The following TYR variants were observed in gnomAD, a reference collection of about 807,000 sequenced individuals.
The protein encoded by TYR is tyrosinase.
In TYR, 58 loss-of-function variants were observed where a neutral mutation model predicts 51.5. The ratio of observed to expected loss-of-function variants is 1.13; its 90% CI spans 0.91 to 1.40. TYR has a LOEUF of 1.40. Ranked by LOEUF, TYR falls within the 40% of genes most tolerant of loss-of-function variation. The pLI is 0.00. For synonymous variants in TYR, 263 were observed against 235.2 expected, an observed-to-expected ratio of 1.12 and a Z score of -1.08; for missense variants, 732 against 647.4, an observed-to-expected ratio of 1.13 and a Z score of -1.42.
chr11:89,206,540 A>G (rs2135265500), intron 2 of TYR, among the ~76,000 whole-genome samples: 1 of 152,312 alleles, frequency 6.6e-6, no homozygotes, highest in South Asian at 2.1e-4. Context: ...TCACAATTAC[A>G]GTTGGAGAAT....
At chr11:89,291,311 T>C (rs959473552) in intron 4 of TYR, among the ~76,000 whole-genome samples, 8 of 152,002 alleles carry the variant, frequency 5.3e-5, no homozygotes, top group African/African-American at 1.7e-4. Flanking sequence ...AATAGGTTAA[T>C]TGTTGATGTA....
chr11:89,184,076 A>T (rs1347006308), intron 1 of TYR, among the ~76,000 whole-genome samples: 1 of 152,128 alleles, frequency 6.6e-6, no homozygotes. Flanking sequence ...TCATAAGCAC[A>T]ATGCTAATAT....
intron 2 of TYR, among the ~76,000 whole-genome samples, chr11:89,215,380 G>A (rs1223735294): frequency 6.6e-6 from 1 of 151,150 alleles, no homozygotes; most frequent in Non-Finnish European, 1.5e-5. Context: ...GGGGGTGGGG[G>A]GCTGGGGGAG....
chr11:89,212,713 A>G (rs556795750), intron 2 of TYR, among the ~76,000 whole-genome samples: 1 of 152,330 alleles, frequency 6.6e-6, no homozygotes, highest in East Asian at 1.9e-4. Flanking sequence ...AACTGAGTCC[A>G]ACAGCACATC....
intron 3 of TYR, among the ~76,000 whole-genome samples, chr11:89,239,021 G>T (rs975987357): frequency 6.6e-6 from 1 of 152,096 alleles, no homozygotes; most frequent in Non-Finnish European, 1.5e-5. Context: ...ATGTTCATTA[G>T]GAATATTGGC....
intron 2 of TYR, chr11:89,200,615 ATT>A (rs1332282694): frequency 1.3e-5 from 2 of 151,660 alleles, no homozygotes; most frequent in Non-Finnish European, 2.9e-5. Context: ...TAAAAAATTA[ATT>A]TGTTATGTGA....
intron 3 of TYR, among the ~76,000 whole-genome samples, chr11:89,273,731 G>C (rs1287925191): frequency 6.6e-6 from 1 of 151,758 alleles, no homozygotes; most frequent in Non-Finnish European, 1.5e-5. Context: ...CCACAGACTG[G>C]GTAGCTTAAA....
At chr11:89,258,894 C>T (rs1379371189) in intron 3 of TYR, among the ~76,000 whole-genome samples, 1 of 152,012 alleles carries the variant, frequency 6.6e-6, no homozygotes, top group Non-Finnish European at 1.5e-5. Flanking sequence ...CCTTTGCCAC[C>T]CTCACTCAGC....
At chr11:89,208,213 T>C (rs1166720378) in intron 2 of TYR, among the ~76,000 whole-genome samples, 2 of 152,176 alleles carry the variant, frequency 1.3e-5, no homozygotes, top group African/African-American at 4.8e-5. Flanking sequence ...GAGCCTGCAG[T>C]GAGTGGAGAT....
At chr11:89,293,626 C>T (rs1284928865) in intron 4 of TYR, 1 of 152,696 alleles carries the variant, frequency 6.5e-6, no homozygotes, top group Admixed American at 6.6e-5. Flanking sequence ...CCAACTCTCC[C>T]AATACTACTT....
intron 1 of TYR, among the ~76,000 whole-genome samples, chr11:89,183,291 A>C (rs2135246197): frequency 6.6e-6 from 1 of 152,186 alleles, no homozygotes; most frequent in Non-Finnish European, 1.5e-5. Context: ...ATATGTTATA[A>C]ATCACTTGCG....
intron 4 of TYR, among the ~76,000 whole-genome samples, chr11:89,293,474 ATAC>A: frequency 6.6e-6 from 1 of 152,260 alleles, no homozygotes; most frequent in Middle Eastern, 3.4e-3. Context: ...AGAGGAAATA[ATAC>A]ATCATTTTAT....
At chr11:89,264,145 G>A (rs943190162) in intron 3 of TYR, among the ~76,000 whole-genome samples, 12 of 152,086 alleles carry the variant, frequency 7.9e-5, no homozygotes, top group South Asian at 2.1e-4. Flanking sequence ...CAAAGGAGAA[G>A]ATCCGTGAAG....
intron 2 of TYR, among the ~76,000 whole-genome samples, chr11:89,221,171 C>T (rs6483002): frequency 0.24 from 35,757 of 152,126 alleles, 6,632 homozygotes; most frequent in African/African-American, 0.52. Flanking sequence ...TGTTCAGTGA[C>T]TCACTGTTAG....
chr11:89,212,308 C>T (rs893436689), intron 2 of TYR, among the ~76,000 whole-genome samples: 2 of 152,062 alleles, frequency 1.3e-5, no homozygotes, highest in Non-Finnish European at 2.9e-5. Flanking sequence ...ACTATAAACA[C>T]CTCTATGCAA....
At chr11:89,223,890 T>G (rs943528718) in intron 2 of TYR, among the ~76,000 whole-genome samples, 1 of 149,732 alleles carries the variant, frequency 6.7e-6, no homozygotes, top group Non-Finnish European at 1.5e-5. Flanking sequence ...ACAAATTCCT[T>G]GTGCTTTTTC....
Position 89,178,782 on chromosome 11 carries a change from GCTAGATATA to G in TYR, c.819+12_819+20del, listed in dbSNP as rs773765028. 56 of 1,613,568 alleles carry G rather than the reference GCTAGATATA, an allele frequency of 3.5e-5. No homozygotes were observed. The highest frequency in any genetic ancestry group is 4.7e-5 in the Non-Finnish European group (55 of 1,179,828). ...CTTCTCCTCTTGGCAGGTAAGATATGCTAGATATACGATGTCAGAGTAGGGAGGAACCTT... is the reference window on the plus strand; with the variant it reads ...CTTCTCCTCTTGGCAGGTAAGATATGCGATGTCAGAGTAGGGAGGAACCTT... On this transcript the variant is annotated intron_variant, in intron 1 of 4. Transcript: ENST00000263321.
intron 1 of TYR, among the ~76,000 whole-genome samples, chr11:89,187,418 G>A (rs902776196): frequency 3.9e-5 from 6 of 152,142 alleles, no homozygotes; most frequent in African/African-American, 1.2e-4. Flanking sequence ...GTGGTCAACT[G>A]TGCCTAATGC....
intron 2 of TYR, among the ~76,000 whole-genome samples, chr11:89,218,891 T>C (rs1047366740): frequency 1.3e-5 from 2 of 152,166 alleles, no homozygotes; most frequent in African/African-American, 4.8e-5. Flanking sequence ...TAGATGCAGC[T>C]AGAGAAAAGC....
Sources: allele counts gnomAD v4.1 joint callset (sites outside exome capture counted in the v4.1 genomes callset), GRCh38; gene constraint gnomAD v4.1.1; transcripts MANE v1.5; gene names NCBI Gene and HGNC (gene_info 2026-07-23, HGNC 2026-07-21).